ELAVL4: variants seen among roughly 807,000 people sequenced by gnomAD.
ELAVL4 encodes the protein ELAV-like protein 4.
A neutral mutation model predicts 35.6 loss-of-function variants in ELAVL4; 1 was observed. The observed-to-expected ratio is 0.03, with a 90% CI of 0.01 to 0.13. ELAVL4 has a LOEUF of 0.13. ELAVL4 is among the 10% of genes least tolerant of loss of function. The pLI is 1.00. For missense variants in ELAVL4, 267 were observed against 464.9 expected (o/e 0.57, Z 3.91); for synonymous variants, 156 against 171.0 (o/e 0.91, Z 0.69).
chr1:50,122,581 C>T (rs1295535572), intron 1 of ELAVL4, among the ~76,000 whole-genome samples: 1 of 152,094 alleles, frequency 6.6e-6, no homozygotes, highest in East Asian at 1.9e-4. Context: ...GTCCCAAATC[C>T]ATTCAGTGCC....
At chr1:50,066,412 G>A (rs1196936053) in intron 1 of ELAVL4, among the ~76,000 whole-genome samples, 2 of 151,992 alleles carry the variant, frequency 1.3e-5, no homozygotes, top group East Asian at 3.9e-4. Flanking sequence ...ATTCTTCAAG[G>A]CTTATGTTAT....
intron 1 of ELAVL4, among the ~76,000 whole-genome samples, chr1:50,116,395 G>A (rs1054940994): frequency 6.7e-6 from 1 of 149,456 alleles, no homozygotes; most frequent in Non-Finnish European, 1.5e-5. Context: ...TAAATACTGT[G>A]GTGTGTGTGT....
chr1:50,131,338 T>A (rs550652550), intron 1 of ELAVL4, among the ~76,000 whole-genome samples: 1 of 152,236 alleles, frequency 6.6e-6, no homozygotes, highest in African/African-American at 2.4e-5. Context: ...CAACTTGACT[T>A]TTGCCCAATT....
At chr1:50,143,290 C>T (rs1673130542) in intron 1 of ELAVL4, among the ~76,000 whole-genome samples, 1 of 152,176 alleles carries the variant, frequency 6.6e-6, no homozygotes, top group Admixed American at 6.5e-5. Flanking sequence ...CCCCTAAATC[C>T]TCTGAGCAGG....
chr1:50,137,178 G>A (rs1037136081), intron 1 of ELAVL4, among the ~76,000 whole-genome samples: 2 of 152,078 alleles, frequency 1.3e-5, no homozygotes, highest in African/African-American at 4.8e-5. Context: ...ACAGTTTGTG[G>A]ACTTTCCATC....
intron 2 of ELAVL4, among the ~76,000 whole-genome samples, chr1:50,168,969 C>T (rs1449003413): frequency 6.7e-6 from 1 of 148,488 alleles, no homozygotes; most frequent in Non-Finnish European, 1.5e-5. Flanking sequence ...TATATACACA[C>T]ACACATATAT....
At chr1:50,065,605 G>T (rs779587749) in intron 1 of ELAVL4, among the ~76,000 whole-genome samples, 2 of 152,094 alleles carry the variant, frequency 1.3e-5, no homozygotes, top group Non-Finnish European at 1.5e-5. Context: ...AGTATGTCTC[G>T]GGGTGGACTG....
chr1:50,146,696 C>G (rs947416568), intron 2 of ELAVL4, among the ~76,000 whole-genome samples: 6 of 152,100 alleles, frequency 3.9e-5, no homozygotes, highest in African/African-American at 1.4e-4. Flanking sequence ...CCTGAATAAT[C>G]TTTATATAAT....
In ELAVL4 at chr1:50,095,573, G is replaced by T. The variant is rs374668934; in HGVS notation, c.18+47391G>T. ...ATTTTTACACACACACACACATACAGCCACACATATTAACTAATGTCACTG... is the reference window on the plus strand; with the variant it reads ...ATTTTTACACACACACACACATACATCCACACATATTAACTAATGTCACTG... On this transcript the variant is annotated intron_variant, in intron 1 of 6. Transcript: ENST00000448907. Among the ~76,000 whole-genome samples the T allele has an allele frequency of 3.2e-4, 48 of 151,924 alleles. 1 individual carries two copies. In the South Asian group the frequency reaches 8.7e-3, roughly 28 times the overall value.
At chr1:50,131,455 G>A (rs1670837326) in intron 1 of ELAVL4, among the ~76,000 whole-genome samples, 1 of 151,902 alleles carries the variant, frequency 6.6e-6, no homozygotes, top group African/African-American at 2.4e-5. Context: ...TTTTTATGTG[G>A]CAAATCATAA....
chr1:50,190,348 G>A (rs1682480161), intron 3 of ELAVL4, among the ~76,000 whole-genome samples: 1 of 152,214 alleles, frequency 6.6e-6, no homozygotes, highest in Admixed American at 6.5e-5. Context: ...CCTGACCACT[G>A]TAGTCATTCA....
At chr1:50,106,204 G>T, upstream of ELAVL4, 1 of 1,009,908 alleles carries the variant, frequency 9.9e-7, no homozygotes, top group South Asian at 1.5e-5. Context: ...GGAGTAGGTA[G>T]TTATTAACGC....
At chr1:50,185,598 G>C (rs1681695294) in intron 3 of ELAVL4, among the ~76,000 whole-genome samples, 1 of 152,172 alleles carries the variant, frequency 6.6e-6, no homozygotes, top group African/African-American at 2.4e-5. Flanking sequence ...TTGTCATCTG[G>C]AAAATGGAAC....
At position 50,182,020 on chromosome 1, in the gene ELAVL4, T is replaced by C. The variant is rs76560490; in HGVS notation, c.354+4828T>C. Among the ~76,000 whole-genome samples, 547 of 152,340 alleles carry C rather than the reference T, an allele frequency of 3.6e-3. 2 individuals are homozygous for C. Among genetic ancestry groups the C allele is most frequent in the Non-Finnish European group, 6.1e-3 (416 of 68,032 alleles). ...AAAAGTCGTCTCCAATAGGGATCAT[T>C]TTAGACTCTGCAAATGGCTGTGGAT... On this transcript the variant is annotated intron_variant, in intron 3 of 6. Coordinates refer to ENST00000371824, the MANE Select transcript of ELAVL4 (RefSeq NM_001144774.3).
At chr1:50,088,826 TC>T (rs1245833768) in intron 1 of ELAVL4, among the ~76,000 whole-genome samples, 1 of 152,084 alleles carries the variant, frequency 6.6e-6, no homozygotes, top group East Asian at 1.9e-4. Context: ...TCTCATATCC[TC>T]CCACAGACCC....
At chr1:50,147,435 C>G (rs563698224) in intron 2 of ELAVL4, among the ~76,000 whole-genome samples, 1 of 152,138 alleles carries the variant, frequency 6.6e-6, no homozygotes, top group Non-Finnish European at 1.5e-5. Flanking sequence ...TCCATCCACC[C>G]GTTGTTCAGG....
rs1339910755 is a variant in ELAVL4 at position 50,144,621 on chromosome 1, A to T, written c.10-336A>T. On this transcript the variant is annotated intron_variant, in intron 1 of 6. Transcript: ENST00000371824. ...ATTTTAATCATGATTATTACTTTAC[A>T]TTTTAATTATAATTTGGTGTGGCTT... 4.7e-5 allele frequency: 23 copies of T among 493,566 alleles called. No homozygotes were observed. The East Asian group carries it at 7.6e-4, about 16-fold the overall frequency. The allele number at this position is 493,566 out of a possible 1,614,324, so 30.6% of individuals were successfully genotyped here. A position where few individuals can be genotyped will look rare whatever the true frequency, so the allele number is the denominator to read the frequency against.
chr1:50,101,330 T>C (rs573608204), upstream of ELAVL4, among the ~76,000 whole-genome samples: 15 of 152,294 alleles, frequency 9.8e-5, no homozygotes, highest in South Asian at 2.5e-3. Context: ...CAGGTACTCA[T>C]CCTGCTTTCT....
At chr1:50,164,341 C>T (rs1171130536) in intron 2 of ELAVL4, among the ~76,000 whole-genome samples, 1 of 152,148 alleles carries the variant, frequency 6.6e-6, no homozygotes, top group Non-Finnish European at 1.5e-5. Flanking sequence ...CTCTCGCTAC[C>T]TCACAAGGCA....
Sources: gnomAD v4.1 joint callset for allele counts (sites outside exome capture counted in the v4.1 genomes callset) on GRCh38, gnomAD v4.1.1 for gene constraint, MANE v1.5 for transcripts, NCBI Gene and HGNC (gene_info 2026-07-23, HGNC 2026-07-21) for gene names.